The following ST7 variants were observed in gnomAD, a reference collection of about 807,000 sequenced individuals.
The protein encoded by ST7 is suppressor of tumorigenicity 7 protein.
A neutral mutation model predicts 78.7 loss-of-function variants in ST7; 28 were observed. The ratio of observed to expected loss-of-function variants is 0.36; its 90% CI spans 0.26 to 0.49. ST7 has a LOEUF of 0.49. ST7 is among the 20% of genes least tolerant of loss of function. ST7 has a pLI of 0.99. For synonymous variants in ST7, 247 were observed against 249.6 expected (o/e 0.99, Z 0.10); for missense variants, 418 against 696.0 (o/e 0.60, Z 4.49).
At chr7:117,139,135 G>T (rs1805053567) in intron 9 of ST7, among the ~76,000 whole-genome samples, 1 of 152,132 alleles carries the variant, frequency 6.6e-6, no homozygotes, top group African/African-American at 2.4e-5. Context: ...AGAACCAAGG[G>T]AGGTTATTAT....
At chr7:117,135,183 G>GTTGTTCCT (rs1804685030) in intron 7 of ST7, among the ~76,000 whole-genome samples, 1 of 152,092 alleles carries the variant, frequency 6.6e-6, no homozygotes, top group Admixed American at 6.6e-5. Context: ...CCTTTCTTTG[G>GTTGTTCCT]CAGTGGGTTG....
intron 2 of ST7, among the ~76,000 whole-genome samples, chr7:117,112,089 T>C (rs1349134122): frequency 6.6e-6 from 1 of 152,090 alleles, no homozygotes; most frequent in East Asian, 1.9e-4. Flanking sequence ...TGTACATATA[T>C]ATGCATGTGT....
chr7:116,958,114 T>C (rs1358724175), intron 1 of ST7, among the ~76,000 whole-genome samples: 1 of 150,940 alleles, frequency 6.6e-6, no homozygotes, highest in African/African-American at 2.4e-5. Context: ...GCCTGCCACC[T>C]CAGTCTTAGT....
chr7:117,106,674 G>T (rs1801999203), intron 2 of ST7, among the ~76,000 whole-genome samples: 2 of 141,868 alleles, frequency 1.4e-5, no homozygotes, highest in Non-Finnish European at 1.5e-5. Flanking sequence ...AGGCTGGAGT[G>T]CAGTGGTGCT....
intron 6 of ST7, 38 bp from the exon 7 acceptor site, chr7:117,134,086 A>G (rs771991643): frequency 3.1e-6 from 5 of 1,608,568 alleles, no homozygotes; most frequent in East Asian, 4.5e-5. Flanking sequence ...GTTCCTATCA[A>G]TTTTCATTTT....
chr7:117,213,654 A>G (rs1313618429), intron 13 of ST7, among the ~76,000 whole-genome samples: 4 of 152,056 alleles, frequency 2.6e-5, no homozygotes, highest in African/African-American at 7.2e-5. Flanking sequence ...AAAAAAAAAC[A>G]AAACTGAATC....
chr7:117,198,400 A>G (rs1482180176), intron 12 of ST7: 1 of 446,376 alleles, frequency 2.2e-6, no homozygotes, highest in African/African-American at 2.0e-5. Flanking sequence ...AAGGACAACC[A>G]GAGAGTATAA....
At chr7:117,217,493 G>C (rs7804397) in intron 13 of ST7, among the ~76,000 whole-genome samples, 2 of 152,018 alleles carry the variant, frequency 1.3e-5, no homozygotes, top group African/African-American at 4.8e-5. Context: ...TTGTTTTTGT[G>C]GGGGGTGTTT....
chr7:117,091,741 T>G (rs1366351975), intron 1 of ST7, among the ~76,000 whole-genome samples: 2 of 152,194 alleles, frequency 1.3e-5, no homozygotes, highest in African/African-American at 4.8e-5. Flanking sequence ...CCTAACAAAT[T>G]TCCGTAAATA....
At chr7:117,079,968 C>CTTTTTTTTTTTTT (rs34326752) in intron 1 of ST7, among the ~76,000 whole-genome samples, 1 of 65,410 alleles carries the variant, frequency 1.5e-5, no homozygotes, top group African/African-American at 5.5e-5. Context: ...TTTGTCATTC[C>CTTTTTTTTTTTTT]TTTTTTTTTT....
chr7:117,147,141 A>G (rs1228357203), intron 9 of ST7, among the ~76,000 whole-genome samples: 1 of 151,884 alleles, frequency 6.6e-6, no homozygotes, highest in Non-Finnish European at 1.5e-5. Context: ...TTTTTGCTCT[A>G]TGTACCTCTT....
intron 9 of ST7, among the ~76,000 whole-genome samples, chr7:117,168,598 T>C (rs1382255842): frequency 6.6e-6 from 1 of 152,150 alleles, no homozygotes; most frequent in Admixed American, 6.5e-5. Context: ...CAGCAATGTG[T>C]GGTATAGTCT....
intron 1 of ST7, among the ~76,000 whole-genome samples, chr7:117,087,917 A>G (rs1467971831): frequency 6.6e-6 from 1 of 151,966 alleles, no homozygotes; most frequent in East Asian, 1.9e-4. Flanking sequence ...ACTCTACCCC[A>G]TTGCTACCAG....
intron 9 of ST7, among the ~76,000 whole-genome samples, chr7:117,154,014 G>A (rs1431632527): frequency 3.3e-5 from 5 of 152,142 alleles, no homozygotes; most frequent in African/African-American, 1.2e-4. Context: ...CCTGAGGAGT[G>A]CAGCGTGATG....
chr7:116,958,773 A>G, intron 1 of ST7: 4 of 440,904 alleles, frequency 9.1e-6, no homozygotes, highest in Admixed American at 5.4e-5. Context: ...CAGTAGCATT[A>G]TATCTAAAAG....
At chr7:117,027,131 C>T (rs567087088) in intron 1 of ST7, among the ~76,000 whole-genome samples, 9 of 152,262 alleles carry the variant, frequency 5.9e-5, no homozygotes, top group Admixed American at 2.0e-4. Flanking sequence ...TTTAAATAAA[C>T]ATACAAATAC....
intron 1 of ST7, among the ~76,000 whole-genome samples, chr7:116,973,245 G>GTC (rs375519238): frequency 2.0e-5 from 3 of 151,412 alleles, no homozygotes; most frequent in Non-Finnish European, 4.4e-5. Flanking sequence ...CTTGTCCTCT[G>GTC]TCTCTCTCTC....
At chr7:116,972,979 C>G (rs1444128319) in intron 1 of ST7, 1 of 802,624 alleles carries the variant, frequency 1.2e-6, no homozygotes, top group Non-Finnish European at 2.1e-6. Flanking sequence ...AGCCTCCTCT[C>G]CCTCACCCAT....
intron 14 of ST7, among the ~76,000 whole-genome samples, chr7:117,220,100 C>T (rs1400402007): frequency 1.3e-5 from 2 of 152,196 alleles, no homozygotes; most frequent in African/African-American, 2.4e-5. Context: ...CATATAAGTA[C>T]TTTCCCCAGA....
Sources: gnomAD v4.1 joint callset for allele counts (sites outside exome capture counted in the v4.1 genomes callset) on GRCh38, gnomAD v4.1.1 for gene constraint, MANE v1.5 for transcripts, NCBI Gene and HGNC (gene_info 2026-07-23, HGNC 2026-07-21) for gene names.